Variants in TENM2 observed in about 807,000 individuals in gnomAD.
TENM2 encodes teneurin transmembrane protein 2, also known as teneurin-2.
Under a neutral mutation model 245.2 loss-of-function variants are expected in TENM2, and 52 were observed. The observed-to-expected ratio is 0.21, with a 90% CI of 0.17 to 0.27. The LOEUF (loss-of-function observed/expected upper bound fraction) is 0.27, where lower values mean the gene tolerates loss of function less well. Ranked by LOEUF, TENM2 falls within the 10% of genes least tolerant of loss-of-function variation. The probability of loss-of-function intolerance (pLI) is 1.00; values close to 1 mark genes in which losing one functional copy is unlikely to be tolerated. For missense variants in TENM2, 3,046 were observed against 3,666.8 expected, an observed-to-expected ratio of 0.83 and a Z score of 4.37; for synonymous variants, 1,363 against 1,438.9, an observed-to-expected ratio of 0.95 and a Z score of 1.19.
chr5:167,577,022 G>C (rs1016717725), intron 2 of TENM2, among the ~76,000 whole-genome samples: 1 of 152,166 alleles, frequency 6.6e-6, no homozygotes, highest in Non-Finnish European at 1.5e-5. Flanking sequence ...GGAATGCAGA[G>C]AGCAAACATA....
chr5:167,472,599 GA>G (rs1315118029), intron 2 of TENM2, among the ~76,000 whole-genome samples: 1 of 152,146 alleles, frequency 6.6e-6, no homozygotes, highest in Non-Finnish European at 1.5e-5. Flanking sequence ...GACCGGGAAA[GA>G]AAATGGTGGT....
the TENM2 span, among the ~76,000 whole-genome samples, chr5:167,256,351 A>C: frequency 6.6e-6 from 1 of 152,266 alleles, no homozygotes; most frequent in Non-Finnish European, 1.5e-5. Context: ...CATGACAAAT[A>C]AAATATATTG....
At chr5:167,008,440 G>C in the TENM2 span, among the ~76,000 whole-genome samples, 1 of 152,178 alleles carries the variant, frequency 6.6e-6, no homozygotes, top group Non-Finnish European at 1.5e-5. Context: ...GCAGCACTGA[G>C]ATTACCAGTC....
At chr5:167,189,301 T>C in the TENM2 span, among the ~76,000 whole-genome samples, 2 of 152,148 alleles carry the variant, frequency 1.3e-5, no homozygotes, top group African/African-American at 4.8e-5. Context: ...GGAAGAAAAA[T>C]ATCTACAGTT....
intron 2 of TENM2, among the ~76,000 whole-genome samples, chr5:167,695,726 TA>T (rs869300441): frequency 1.0e-3 from 148 of 141,462 alleles, no homozygotes; most frequent in South Asian, 2.2e-3. Context: ...AATGGTGATT[TA>T]AAAAAAAAAA....
intron 2 of TENM2, among the ~76,000 whole-genome samples, chr5:167,626,685 C>T (rs1161860507): frequency 6.6e-6 from 1 of 152,128 alleles, no homozygotes; most frequent in Non-Finnish European, 1.5e-5. Context: ...AACTGCTATA[C>T]ACAACGAAAT....
At chr5:167,755,009 G>C in intron 2 of TENM2, 6 of 1,581,970 alleles carry the variant, frequency 3.8e-6, no homozygotes, top group Non-Finnish European at 4.3e-6. Flanking sequence ...TCTGTAGTTA[G>C]AGGGAAACAC....
the TENM2 span, among the ~76,000 whole-genome samples, chr5:167,181,447 T>TTTTCTAGGGAGCCGCTCGTTTG: frequency 6.7e-6 from 1 of 148,176 alleles, no homozygotes; most frequent in African/African-American, 2.5e-5. Context: ...GTTTTTTTTT[T>TTTTCTAGGGAGCCGCTCGTTTG]TCCTAGGGAG....
intron 20 of TENM2, among the ~76,000 whole-genome samples, chr5:168,213,798 C>T (rs777837439): frequency 6.6e-6 from 1 of 152,178 alleles, no homozygotes; most frequent in Non-Finnish European, 1.5e-5. Context: ...TGTGCCACTG[C>T]TCTCCAATGA....
intron 1 of TENM2, among the ~76,000 whole-genome samples, chr5:167,344,153 A>G (rs904991807): frequency 4.0e-5 from 6 of 148,736 alleles, no homozygotes; most frequent in African/African-American, 9.8e-5. Context: ...ATATATTGCT[A>G]TATGTATTTT....
intron 2 of TENM2, among the ~76,000 whole-genome samples, chr5:167,859,203 C>T (rs1478255402): frequency 1.8e-4 from 14 of 77,300 alleles, no homozygotes; most frequent in African/African-American, 6.2e-4. Context: ...CCGGCCGCCC[C>T]GTCTGAGAAG....
At chr5:167,834,674 G>T (rs1215562542) in intron 2 of TENM2, among the ~76,000 whole-genome samples, 1 of 147,186 alleles carries the variant, frequency 6.8e-6, no homozygotes, top group African/African-American at 2.5e-5. Flanking sequence ...TTTTGAGACG[G>T]AGTCTCGCTC....
chr5:167,674,664 A>G (rs1170999702), intron 2 of TENM2, among the ~76,000 whole-genome samples: 1 of 152,106 alleles, frequency 6.6e-6, no homozygotes, highest in African/African-American at 2.4e-5. Context: ...GGGCATTAAT[A>G]GCACCCCCCT....
chr5:167,447,194 A>G (rs560962598), intron 2 of TENM2, among the ~76,000 whole-genome samples: 8 of 152,288 alleles, frequency 5.3e-5, no homozygotes, highest in South Asian at 2.1e-4. Flanking sequence ...CTCAGCCTCA[A>G]TTTCTATCCT....
At chr5:167,825,376 A>C (rs1767884530) in intron 2 of TENM2, among the ~76,000 whole-genome samples, 1 of 152,142 alleles carries the variant, frequency 6.6e-6, no homozygotes, top group Admixed American at 6.5e-5. Context: ...TGGTGATGGC[A>C]GAGCTGTCCC....
the TENM2 span, among the ~76,000 whole-genome samples, chr5:166,989,784 T>C: frequency 6.6e-6 from 1 of 150,600 alleles, no homozygotes; most frequent in Admixed American, 6.7e-5. Flanking sequence ...GAGTGTGAAC[T>C]TAAAAGCTTA....
chr5:167,575,202 A>G (rs1026719951), intron 2 of TENM2, among the ~76,000 whole-genome samples: 6 of 151,974 alleles, frequency 3.9e-5, no homozygotes, highest in African/African-American at 1.4e-4. Flanking sequence ...TATATCTAAG[A>G]TTTTACCTAA....
At chr5:167,497,129 A>G (rs1488470342) in intron 2 of TENM2, among the ~76,000 whole-genome samples, 1 of 152,224 alleles carries the variant, frequency 6.6e-6, no homozygotes, top group East Asian at 1.9e-4. Flanking sequence ...TGACTAAGAT[A>G]ATAAAACCAA....
chr5:167,665,172 C>T (rs1236357630), intron 2 of TENM2, among the ~76,000 whole-genome samples: 1 of 152,098 alleles, frequency 6.6e-6, no homozygotes, highest in Non-Finnish European at 1.5e-5. Context: ...TGTTTCTTCT[C>T]CTGGACAAGG....
Sources: allele counts gnomAD v4.1 joint callset (sites outside exome capture counted in the v4.1 genomes callset), GRCh38; gene constraint gnomAD v4.1.1; transcripts MANE v1.5; gene names NCBI Gene and HGNC (gene_info 2026-07-23, HGNC 2026-07-21).